Variants in GPM6A observed in about 807,000 individuals in gnomAD.
The protein encoded by GPM6A is neuronal membrane glycoprotein M6-a.
A neutral mutation model predicts 32.1 loss-of-function variants in GPM6A; 7 were observed. The ratio of observed to expected loss-of-function variants is 0.22; its 90% CI spans 0.12 to 0.41. The LOEUF is 0.41. Among genes scored for constraint, GPM6A ranks in the 10% least tolerant of loss-of-function variants. The probability of loss-of-function intolerance (pLI) is 1.00; values close to 1 mark genes in which losing one functional copy is unlikely to be tolerated. For missense variants in GPM6A, 235 were observed against 347.2 expected, an observed-to-expected ratio of 0.68 and a Z score of 2.57; for synonymous variants, 130 against 123.4, an observed-to-expected ratio of 1.05 and a Z score of -0.35.
At chr4:175,673,348 T>G (rs1476402981) in intron 3 of GPM6A, among the ~76,000 whole-genome samples, 3 of 152,018 alleles carry the variant, frequency 2.0e-5, no homozygotes, top group Non-Finnish European at 2.9e-5. Flanking sequence ...CAGGCACATG[T>G]ATTGCTTATA....
chr4:175,971,450 A>C (rs1740499856), intron 1 of GPM6A, among the ~76,000 whole-genome samples: 1 of 152,058 alleles, frequency 6.6e-6, no homozygotes, highest in African/African-American at 2.4e-5. Context: ...TTCTTTAAAA[A>C]CCTCATTCAT....
At chr4:175,833,997 C>G (rs568015951) in intron 1 of GPM6A, among the ~76,000 whole-genome samples, 2 of 152,056 alleles carry the variant, frequency 1.3e-5, no homozygotes, top group African/African-American at 4.8e-5. Flanking sequence ...TAGTGCGTTT[C>G]AGAAAAAGTT....
At chr4:175,744,304 A>G (rs1372446412) in intron 1 of GPM6A, among the ~76,000 whole-genome samples, 1 of 152,124 alleles carries the variant, frequency 6.6e-6, no homozygotes, top group East Asian at 1.9e-4. Flanking sequence ...TGTACTTTGA[A>G]TTAAATAATA....
intron 3 of GPM6A, 125 bp downstream of exon 3, chr4:175,673,555 G>T: frequency 1.7e-6 from 1 of 572,554 alleles, no homozygotes; most frequent in Non-Finnish European, 3.0e-6. Context: ...ATTTAAGATA[G>T]CATCACAGAA....
intron 1 of GPM6A, among the ~76,000 whole-genome samples, chr4:175,849,054 T>C (rs1736173197): frequency 6.6e-6 from 1 of 152,210 alleles, no homozygotes; most frequent in Admixed American, 6.5e-5. Context: ...AATGTATTAA[T>C]TTCAAAATAT....
intron 3 of GPM6A, among the ~76,000 whole-genome samples, chr4:175,672,831 C>A (rs1467822422): frequency 6.6e-6 from 1 of 152,082 alleles, no homozygotes; most frequent in African/African-American, 2.4e-5. Flanking sequence ...ATTATTGTTG[C>A]TGTTGACACC....
intron 1 of GPM6A, among the ~76,000 whole-genome samples, chr4:175,819,188 C>T (rs900939302): frequency 1.3e-5 from 2 of 152,078 alleles, no homozygotes; most frequent in African/African-American, 4.8e-5. Flanking sequence ...CCTCTGTTTA[C>T]TCAAAATCCA....
chr4:175,939,936 T>C (rs902488030), intron 1 of GPM6A, among the ~76,000 whole-genome samples: 11 of 151,896 alleles, frequency 7.2e-5, no homozygotes, highest in Admixed American at 3.9e-4. Context: ...CCAGACTACA[T>C]ATAATATTTC....
intron 1 of GPM6A, among the ~76,000 whole-genome samples, chr4:175,932,098 GA>G (rs545004795): frequency 0.031 from 3,405 of 108,276 alleles, 66 homozygotes; most frequent in African/African-American, 0.059. Context: ...TTGCCTCTAG[GA>G]AAAAAAAAAA....
chr4:175,679,202 A>G (rs1743546055), intron 2 of GPM6A, among the ~76,000 whole-genome samples: 1 of 151,990 alleles, frequency 6.6e-6, no homozygotes, highest in African/African-American at 2.4e-5. Context: ...TGTCTTAATG[A>G]CATTTATGTT....
chr4:175,856,479 C>T (rs1447761436), intron 1 of GPM6A, among the ~76,000 whole-genome samples: 3 of 152,184 alleles, frequency 2.0e-5, no homozygotes, highest in Non-Finnish European at 4.4e-5. Context: ...ACCTCTGGAG[C>T]CCCAGAGGGC....
At chr4:175,721,125 T>A (rs1295210520) in intron 1 of GPM6A, among the ~76,000 whole-genome samples, 1 of 132,374 alleles carries the variant, frequency 7.6e-6, no homozygotes, top group African/African-American at 2.6e-5. Flanking sequence ...TTTCTATTTT[T>A]AAAAAGAATA....
intron 3 of GPM6A, among the ~76,000 whole-genome samples, chr4:175,657,458 T>C (rs10520300): frequency 0.19 from 29,322 of 151,708 alleles, 3,391 homozygotes; most frequent in Non-Finnish European, 0.26. Flanking sequence ...TTAAGAACTC[T>C]TTCTATATTG....
chr4:175,781,327 G>A, intron 1 of GPM6A: 1 of 152,146 alleles, frequency 6.6e-6, no homozygotes, highest in East Asian at 1.9e-4. Flanking sequence ...GGGGTGTCAG[G>A]GAGGGGCGCC....
intron 1 of GPM6A, among the ~76,000 whole-genome samples, chr4:175,989,811 G>A (rs749131645): frequency 5.3e-5 from 8 of 152,112 alleles, no homozygotes; most frequent in Non-Finnish European, 1.2e-4. Context: ...GAATCTTAAA[G>A]CCTTGTCTGG....
intron 1 of GPM6A, among the ~76,000 whole-genome samples, chr4:175,772,886 A>G (rs1733247287): frequency 6.6e-6 from 1 of 152,202 alleles, no homozygotes; most frequent in African/African-American, 2.4e-5. Flanking sequence ...TCCAATCAAT[A>G]TAAAGTAACA....
chr4:175,898,121 T>A (rs1737850640), intron 1 of GPM6A, among the ~76,000 whole-genome samples: 2 of 152,308 alleles, frequency 1.3e-5, no homozygotes, highest in African/African-American at 4.8e-5. Flanking sequence ...GCTGCCTTAA[T>A]CATTTACCCC....
chr4:175,954,856 T>C (rs1199109604), intron 1 of GPM6A, among the ~76,000 whole-genome samples: 1 of 152,184 alleles, frequency 6.6e-6, no homozygotes, highest in East Asian at 1.9e-4. Flanking sequence ...AACCTTGTAG[T>C]AATGGAACAA....
chr4:175,927,276 A>T (rs1579634233), intron 1 of GPM6A, among the ~76,000 whole-genome samples: 1 of 152,384 alleles, frequency 6.6e-6, no homozygotes, highest in African/African-American at 2.4e-5. Flanking sequence ...AAAGCACTGA[A>T]CTATTCACTG....
Sources: allele counts gnomAD v4.1 joint callset (sites outside exome capture counted in the v4.1 genomes callset), GRCh38; gene constraint gnomAD v4.1.1; transcripts MANE v1.5; gene names NCBI Gene and HGNC (gene_info 2026-07-23, HGNC 2026-07-21).